Variants in SVOP observed in about 807,000 individuals in gnomAD.
SVOP encodes SV2 related protein.
SVOP carries 17 observed loss-of-function variants against 69.1 expected under a neutral mutation model. The ratio of observed to expected loss-of-function variants is 0.25; its 90% CI spans 0.17 to 0.37. The LOEUF is 0.37. Ranked by LOEUF, SVOP falls within the 10% of genes least tolerant of loss-of-function variation. SVOP has a pLI of 1.00. For synonymous variants in SVOP, 238 were observed against 238.6 expected, an observed-to-expected ratio of 1.00 and a Z score of 0.02; for missense variants, 435 against 597.5, an observed-to-expected ratio of 0.73 and a Z score of 2.84.
At chr12:109,017,121 G>A (rs917242631) in intron 1 of SVOP, among the ~76,000 whole-genome samples, 3 of 152,110 alleles carry the variant, frequency 2.0e-5, no homozygotes, top group Non-Finnish European at 2.9e-5. Context: ...CCAAGGACCC[G>A]TAACGGTCTC....
chr12:108,954,635 C>T (rs1566056313), intron 6 of SVOP, among the ~76,000 whole-genome samples: 1 of 152,188 alleles, frequency 6.6e-6, no homozygotes, highest in South Asian at 2.1e-4. Flanking sequence ...CCAGCTACTC[C>T]ACCCTTGCAA....
intron 13 of SVOP, 97 bp downstream of exon 13, chr12:108,919,578 A>T: frequency 1.1e-6 from 1 of 925,004 alleles, no homozygotes; most frequent in Non-Finnish European, 1.7e-6. Context: ...GGCTTACATT[A>T]ACACCTGGCC....
chr12:108,927,488 G>A (rs2039787198), intron 11 of SVOP, among the ~76,000 whole-genome samples: 2 of 151,350 alleles, frequency 1.3e-5, no homozygotes, highest in African/African-American at 2.4e-5. Flanking sequence ...TCATGCTATT[G>A]TCTCCCCTTC....
intron 1 of SVOP, among the ~76,000 whole-genome samples, chr12:108,997,104 G>A (rs2135616040): frequency 6.6e-6 from 1 of 152,232 alleles, no homozygotes; most frequent in Admixed American, 6.5e-5. Flanking sequence ...GTGGGTGCGT[G>A]CACCGTGCGC....
intron 6 of SVOP, among the ~76,000 whole-genome samples, chr12:108,957,038 T>C (rs1208654256): frequency 3.3e-5 from 5 of 152,130 alleles, no homozygotes; most frequent in Admixed American, 3.3e-4. Context: ...GGCTTCACTG[T>C]CATCAGTCTC....
chr12:108,983,507 A>G, intron 2 of SVOP, 94 bp downstream of exon 2: 1 of 398,428 alleles, frequency 2.5e-6, no homozygotes, highest in Non-Finnish European at 4.4e-6. Context: ...GGCCCTCCCA[A>G]CTGCCCCTTC....
chr12:109,005,497 A>G (rs1162051924), intron 1 of SVOP, among the ~76,000 whole-genome samples: 1 of 152,168 alleles, frequency 6.6e-6, no homozygotes, highest in Non-Finnish European at 1.5e-5. Context: ...TGAAATTGAC[A>G]TGGTCCCTGA....
At chr12:108,991,207 G>T (rs1271648554) in intron 1 of SVOP, among the ~76,000 whole-genome samples, 1 of 152,218 alleles carries the variant, frequency 6.6e-6, no homozygotes, top group Non-Finnish European at 1.5e-5. Context: ...CAAAGGCTTG[G>T]TGACAGACTG....
intron 6 of SVOP, among the ~76,000 whole-genome samples, chr12:108,953,956 A>G (rs2039970876): frequency 2.0e-5 from 3 of 152,006 alleles, no homozygotes; most frequent in Admixed American, 2.0e-4. Flanking sequence ...TATTAAAAAT[A>G]CAAAAATTAG....
chr12:108,945,193 G>A (rs1169301478), intron 6 of SVOP, 27 bp from the exon 7 acceptor site: 2 of 1,536,206 alleles, frequency 1.3e-6, no homozygotes, highest in East Asian at 4.9e-5. Context: ...GAAAGAAAGG[G>A]AGTTAAGATC....
At position 108,933,547 on chromosome 12, in the gene SVOP, G is replaced by A. The variant is rs141565766; in HGVS notation, c.1048+648C>T. On this transcript the variant is annotated intron_variant, in intron 11 of 15. Transcript: ENST00000610966. ...AATACAAAAATTAGCCAGACATGGTGGTGCCACCTGTAATCCCAGCTACTT... is the reference window on the plus strand; with the variant it reads ...AATACAAAAATTAGCCAGACATGGTAGTGCCACCTGTAATCCCAGCTACTT... Among the ~76,000 whole-genome samples, 796 of 151,670 alleles carry A rather than the reference G, an allele frequency of 5.2e-3. 8 individuals carry two copies. The highest frequency in any genetic ancestry group is 0.018 in the African/African-American group (749 of 41,336).
intron 6 of SVOP, among the ~76,000 whole-genome samples, chr12:108,948,884 T>C (rs1394933605): frequency 1.3e-5 from 2 of 152,242 alleles, no homozygotes; most frequent in Non-Finnish European, 1.5e-5. Context: ...ATGACTTTTA[T>C]ATTTTATTCT....
chr12:108,908,148 T>A lies in SVOP; in HGVS notation c.*4387A>T, dbSNP rs1476822824. The A allele has an allele frequency of 1.3e-5, 2 of 152,234 alleles. No individual in the cohort carries two copies. Among genetic ancestry groups the A allele is most frequent in the African/African-American group, 4.8e-5 (2 of 41,452 alleles). 9.4% of individuals were successfully genotyped at this position (152,234 alleles called of 1,614,324 possible). ...GAGGCTATGGAAGCTCTGTGCATGA[T>A]TATGCATACACAGCAGCCACAAGGA... is the stretch of plus-strand genomic sequence containing the variant. On this transcript the variant is annotated 3_prime_UTR_variant, in exon 16 of 16. Coordinates refer to ENST00000610966, the MANE Select transcript of SVOP (RefSeq NM_018711.5).
chr12:108,922,755 G>T lies in SVOP; in HGVS notation c.1091C>A (p.Ala364Asp). ...KKAVEAKCSL[A>D]CEYLSEEDYM... Reference sequence around the variant, plus strand: ...ATCCTCCTCACTCAGGTACTCGCAGGCCAGGCTGCATTTTGCCTCTACAGC... The same window carrying T: ...ATCCTCCTCACTCAGGTACTCGCAGTCCAGGCTGCATTTTGCCTCTACAGC... The change falls in exon 12 of 16, where the codon GCC becomes GAC. Residue 364 changes from alanine to aspartate, a missense_variant. Physicochemically the swap from Ala to Asp is moderately radical, Grantham distance 126. Transcript: ENST00000610966. 1 of 1,611,512 alleles carries T rather than the reference G, an allele frequency of 6.2e-7. No homozygotes were observed. Among genetic ancestry groups the T allele is most frequent in the Non-Finnish European group, 8.5e-7 (1 of 1,179,124 alleles).
rs1350366468 is a variant in SVOP, at chr12:108,909,380, A to G, written c.*3155T>C. The G allele has an allele frequency of 6.6e-6, 1 of 151,896 alleles. No homozygotes were observed. Among genetic ancestry groups the G allele is most frequent in the Non-Finnish European group, 1.5e-5 (1 of 67,988 alleles). The allele number at this position is 151,896 out of a possible 1,614,324, so 9.4% of individuals were successfully genotyped here. A position where few individuals can be genotyped will look rare whatever the true frequency, so the allele number is the denominator to read the frequency against. ...AAAATACAAAAATTAGCCAAGCATCAAGGCGGGCACCTGTAATCCCAGCTA... is the reference window on the plus strand; with the variant it reads ...AAAATACAAAAATTAGCCAAGCATCGAGGCGGGCACCTGTAATCCCAGCTA... On this transcript the variant is annotated 3_prime_UTR_variant, in exon 16 of 16. Transcript: ENST00000610966.
chr12:109,014,999 A>G (rs572145769), intron 1 of SVOP, among the ~76,000 whole-genome samples: 149 of 152,276 alleles, frequency 9.8e-4, no homozygotes, highest in African/African-American at 3.5e-3. Context: ...TGCTGAGATT[A>G]TGGGCTTGAA....
intron 1 of SVOP, among the ~76,000 whole-genome samples, chr12:109,008,946 T>C (rs1295692452): frequency 6.7e-6 from 1 of 149,906 alleles, no homozygotes; most frequent in Non-Finnish European, 1.5e-5. Flanking sequence ...TGTAACTTTT[T>C]TTTTCTTTTC....
At chr12:108,999,458 A>G (rs2040255627) in intron 1 of SVOP, among the ~76,000 whole-genome samples, 1 of 142,830 alleles carries the variant, frequency 7.0e-6, no homozygotes, top group Non-Finnish European at 1.5e-5. Flanking sequence ...TGCACCAAGC[A>G]GACCTAATAG....
At chr12:108,944,468 G>T (rs2039911225) in intron 7 of SVOP, among the ~76,000 whole-genome samples, 1 of 152,194 alleles carries the variant, frequency 6.6e-6, no homozygotes, top group African/African-American at 2.4e-5. Context: ...GGGGACATCA[G>T]AGTGGGTTCA....
Sources: allele counts gnomAD v4.1 joint callset (sites outside exome capture counted in the v4.1 genomes callset), GRCh38; gene constraint gnomAD v4.1.1; transcripts MANE v1.5; gene names NCBI Gene and HGNC (gene_info 2026-07-23, HGNC 2026-07-21).